The following GRIA4 variants were observed in gnomAD, a reference collection of about 807,000 sequenced individuals.
GRIA4 encodes glutamate ionotropic receptor AMPA type subunit 4.
Under a neutral mutation model 104.0 loss-of-function variants are expected in GRIA4, and 34 were observed. That is an observed-to-expected ratio of 0.33 (90% CI 0.25 to 0.44). GRIA4 has a LOEUF of 0.44. Ranked by LOEUF, GRIA4 falls within the 20% of genes least tolerant of loss-of-function variation. GRIA4 has a pLI of 1.00. For missense variants in GRIA4, 750 were observed against 1,096.5 expected (o/e 0.68, Z 4.46); for synonymous variants, 386 against 381.9 (o/e 1.01, Z -0.13).
At chr11:105,869,225 T>C (rs1311649430) in intron 5 of GRIA4, among the ~76,000 whole-genome samples, 1 of 152,156 alleles carries the variant, frequency 6.6e-6, no homozygotes, top group African/African-American at 2.4e-5. Flanking sequence ...ATTGTCAGAA[T>C]GCAAGTGCTT....
In GRIA4 at chr11:105,910,518, C is replaced by A; in HGVS notation, c.1242C>A (p.Asn414Lys). 1 of 1,573,548 alleles carries A rather than the reference C, an allele frequency of 6.4e-7. No individual in the cohort carries two copies. Among genetic ancestry groups the A allele is most frequent in the Non-Finnish European group, 8.7e-7 (1 of 1,143,082 alleles). The change falls in exon 10 of 17, where the codon AAC (asparagine) becomes AAA (lysine). Residue 414 changes from asparagine to lysine, a missense_variant. Coordinates refer to ENST00000282499, the MANE Select transcript of GRIA4 (RefSeq NM_000829.4). ...TLGNDTAAIE[N>K]RTVVVTTIME... ...GCAATGACACAGCTGCTATTGAGAACAGAACAGTGGTTGTAACCACAATTA... is the reference window on the plus strand; with the variant it reads ...GCAATGACACAGCTGCTATTGAGAAAAGAACAGTGGTTGTAACCACAATTA...
Position 105,738,507 on chromosome 11 carries a change from T to A in GRIA4, c.248-14474T>A, listed in dbSNP as rs184210761. Reference sequence around the variant, plus strand: ...ATGTCACCAAATTCTGGATCCAAAATAAGTGATGACACTTCAGTTATTCAG... The same window carrying A: ...ATGTCACCAAATTCTGGATCCAAAAAAAGTGATGACACTTCAGTTATTCAG... On this transcript the variant is annotated intron_variant, in intron 3 of 16. Transcript: ENST00000282499. Among the ~76,000 whole-genome samples the A allele has an allele frequency of 3.1e-4, 47 of 152,268 alleles. 1 individual carries two copies. The East Asian group carries it at 7.2e-3, about 23-fold the overall frequency.
intron 3 of GRIA4, among the ~76,000 whole-genome samples, chr11:105,617,482 A>G (rs1950630518): frequency 6.6e-6 from 1 of 151,920 alleles, no homozygotes. Context: ...GAAGGCCATA[A>G]GGGTGTGAAA....
chr11:105,945,577 T>C (rs1160732633), intron 14 of GRIA4: 1 of 302,650 alleles, frequency 3.3e-6, no homozygotes, highest in Non-Finnish European at 4.9e-6. Context: ...TGTTTTTTAA[T>C]CCCTTTTTCT....
chr11:105,644,641 C>T (rs1301877108), intron 3 of GRIA4, among the ~76,000 whole-genome samples: 3 of 151,756 alleles, frequency 2.0e-5, no homozygotes, highest in Admixed American at 2.0e-4. Flanking sequence ...TAAAAAATAC[C>T]ATTTTTATCT....
intron 3 of GRIA4, among the ~76,000 whole-genome samples, chr11:105,635,719 C>T (rs929177733): frequency 1.3e-5 from 2 of 152,148 alleles, no homozygotes; most frequent in Non-Finnish European, 2.9e-5. Flanking sequence ...CAGTGACCCT[C>T]ATCATCAGTG....
chr11:105,935,395 T>C (rs1262587653), intron 14 of GRIA4, among the ~76,000 whole-genome samples: 1 of 152,158 alleles, frequency 6.6e-6, no homozygotes, highest in Non-Finnish European at 1.5e-5. Context: ...AAATTATCCA[T>C]AATATATTCT....
At chr11:105,616,554 T>C (rs1950605896) in intron 3 of GRIA4, among the ~76,000 whole-genome samples, 1 of 151,684 alleles carries the variant, frequency 6.6e-6, no homozygotes, top group Admixed American at 6.6e-5. Context: ...CTAAATAATA[T>C]AATATTTTTT....
At chr11:105,740,991 G>A (rs1049656148) in intron 3 of GRIA4, among the ~76,000 whole-genome samples, 1 of 152,132 alleles carries the variant, frequency 6.6e-6, no homozygotes, top group Non-Finnish European at 1.5e-5. Context: ...TCTGTTGAGA[G>A]GAGCATAATT....
chr11:105,836,847 G>A (rs1174454539), intron 4 of GRIA4, among the ~76,000 whole-genome samples: 1 of 152,028 alleles, frequency 6.6e-6, no homozygotes, highest in Non-Finnish European at 1.5e-5. Flanking sequence ...AATACTGATG[G>A]CTTTGATTTT....
chr11:105,708,679 C>A (rs1371494364), intron 3 of GRIA4, among the ~76,000 whole-genome samples: 1 of 151,772 alleles, frequency 6.6e-6, no homozygotes, highest in Non-Finnish European at 1.5e-5. Flanking sequence ...TATATGTATA[C>A]CAACATTGAG....
In GRIA4 at chr11:105,767,784, C is replaced by T. The variant is rs145678536; in HGVS notation, c.487+14564C>T. Among the ~76,000 whole-genome samples, 1,506 of 152,050 alleles carry T rather than the reference C, an allele frequency of 9.9e-3. 30 individuals carry two copies. The highest frequency in any genetic ancestry group is 0.035 in the African/African-American group (1,444 of 41,456). ...TTCCATTTTTCAAACGAGAAAAATG[C>T]GACCCATAGAGATTAAAAACCTCAT... On this transcript the variant is annotated intron_variant, in intron 4 of 16. Coordinates refer to ENST00000282499, the MANE Select transcript of GRIA4 (RefSeq NM_000829.4).
At chr11:105,900,135 C>A (rs1009175546) in intron 7 of GRIA4, among the ~76,000 whole-genome samples, 1 of 152,068 alleles carries the variant, frequency 6.6e-6, no homozygotes, top group African/African-American at 2.4e-5. Context: ...TACAGTTCCA[C>A]AAATAACCAC....
intron 3 of GRIA4, among the ~76,000 whole-genome samples, chr11:105,652,590 G>T (rs1165855137): frequency 2.6e-5 from 4 of 152,144 alleles, no homozygotes; most frequent in African/African-American, 9.7e-5. Flanking sequence ...AGAGCTTTCT[G>T]CCTCTTCATT....
chr11:105,675,165 A>G (rs1952496472), intron 3 of GRIA4, among the ~76,000 whole-genome samples: 1 of 151,870 alleles, frequency 6.6e-6, no homozygotes, highest in African/African-American at 2.4e-5. Context: ...CTTTTAAGTA[A>G]TTAGGTATGA....
chr11:105,854,119 C>G (rs1944922055), intron 4 of GRIA4, among the ~76,000 whole-genome samples: 1 of 152,140 alleles, frequency 6.6e-6, no homozygotes, highest in Non-Finnish European at 1.5e-5. Context: ...AGCCTCCTGA[C>G]TTCATGAGCT....
chr11:105,902,612 G>A (rs1946898756), intron 7 of GRIA4, among the ~76,000 whole-genome samples: 1 of 152,140 alleles, frequency 6.6e-6, no homozygotes, highest in Non-Finnish European at 1.5e-5. Context: ...TAGGATTACA[G>A]GTGTGAGCCA....
At chr11:105,712,632 T>C (rs1953950375) in intron 3 of GRIA4, among the ~76,000 whole-genome samples, 1 of 152,116 alleles carries the variant, frequency 6.6e-6, no homozygotes, top group African/African-American at 2.4e-5. Context: ...TTATGTTTCC[T>C]TGTTTCTTTT....
rs116698875 is a variant in GRIA4, at chr11:105,846,168, A to G, written c.488-15856A>G. On this transcript the variant is annotated intron_variant, in intron 4 of 16. Transcript: ENST00000282499. The stretch of plus-strand genomic sequence containing the variant: ...ATTTAAGTATTTTGGAAATCTGCAT[A>G]TACCATTTCTTGTGGTATATATAGT... Among the ~76,000 whole-genome samples, 442 of 152,332 alleles carry G rather than the reference A, an allele frequency of 2.9e-3. 2 individuals are homozygous for G. Among genetic ancestry groups the G allele is most frequent in the African/African-American group, 0.01 (417 of 41,590 alleles).
Sources: allele counts gnomAD v4.1 joint callset (sites outside exome capture counted in the v4.1 genomes callset), GRCh38; gene constraint gnomAD v4.1.1; transcripts MANE v1.5; gene names NCBI Gene and HGNC (gene_info 2026-07-23, HGNC 2026-07-21).